Variants in MIR2052HG observed in about 807,000 individuals in gnomAD.
The protein encoded by MIR2052HG is MIR2052 host gene.
intron 2 of MIR2052HG, among the ~76,000 whole-genome samples, chr8:74,645,074 G>C (rs1204458199): frequency 6.6e-6 from 1 of 152,002 alleles, no homozygotes; most frequent in Non-Finnish European, 1.5e-5. Flanking sequence ...GTAGCATCTA[G>C]ACTTGCATTT....
intron 1 of MIR2052HG, among the ~76,000 whole-genome samples, chr8:74,607,482 G>T (rs1279503003): frequency 6.6e-6 from 1 of 151,982 alleles, no homozygotes; most frequent in African/African-American, 2.4e-5. Context: ...CGTGGTGGTG[G>T]GTGCCTGTAA....
chr8:74,627,905 T>A (rs1330471233), intron 2 of MIR2052HG, among the ~76,000 whole-genome samples: 1 of 152,208 alleles, frequency 6.6e-6, no homozygotes, highest in Non-Finnish European at 1.5e-5. Flanking sequence ...AAAGGGCCTT[T>A]AAGTTGAAAT....
exon 2 of MIR2052HG, chr8:74,612,883 A>T (rs769575280): frequency 2.2e-6 from 1 of 456,140 alleles, no homozygotes; most frequent in Non-Finnish European, 4.4e-6. Context: ...CCAGAGACAA[A>T]GGTGGCAGCT....
At chr8:74,686,896 CTG>C (rs1048643006) in intron 2 of MIR2052HG, among the ~76,000 whole-genome samples, 4 of 152,064 alleles carry the variant, frequency 2.6e-5, no homozygotes, top group Non-Finnish European at 4.4e-5. Context: ...TTTTGATAAT[CTG>C]TTTGTTCTCA....
At chr8:74,663,162 T>C (rs780425529) in intron 2 of MIR2052HG, among the ~76,000 whole-genome samples, 4 of 152,174 alleles carry the variant, frequency 2.6e-5, no homozygotes, top group Admixed American at 6.5e-5. Context: ...ACCAATATGA[T>C]GAATACATTC....
At chr8:74,689,044 G>A (rs974306142) in intron 2 of MIR2052HG, among the ~76,000 whole-genome samples, 1 of 152,146 alleles carries the variant, frequency 6.6e-6, no homozygotes, top group African/African-American at 2.4e-5. Context: ...TTTGTAGTAA[G>A]TGAGAGTTTT....
chr8:74,618,714 T>G (rs1808319020), intron 2 of MIR2052HG, among the ~76,000 whole-genome samples: 2 of 152,202 alleles, frequency 1.3e-5, no homozygotes, highest in Non-Finnish European at 2.9e-5. Flanking sequence ...GTTTAAAGAT[T>G]TTCCTGTGAG....
intron 4 of MIR2052HG, among the ~76,000 whole-genome samples, chr8:74,746,239 G>T (rs1809884152): frequency 6.6e-6 from 1 of 152,150 alleles, no homozygotes; most frequent in African/African-American, 2.4e-5. Flanking sequence ...TTAGCTTCTG[G>T]TAGAAATTGT....
chr8:74,733,530 T>C (rs1389833620), intron 4 of MIR2052HG, among the ~76,000 whole-genome samples: 7 of 148,138 alleles, frequency 4.7e-5, no homozygotes, highest in Admixed American at 1.4e-4. Context: ...TGAATAGTGC[T>C]GCAATAAACA....
intron 5 of MIR2052HG, among the ~76,000 whole-genome samples, chr8:74,755,901 T>A (rs1451997641): frequency 6.6e-6 from 1 of 152,158 alleles, no homozygotes; most frequent in Non-Finnish European, 1.5e-5. Context: ...TTTCAAGCCC[T>A]ACTGGATGTA....
chr8:74,626,134 G>C (rs1359821380), intron 2 of MIR2052HG, among the ~76,000 whole-genome samples: 1 of 152,152 alleles, frequency 6.6e-6, no homozygotes, highest in Non-Finnish European at 1.5e-5. Flanking sequence ...GGTGCCCCGG[G>C]AGAACAGCAC....
intron 4 of MIR2052HG, among the ~76,000 whole-genome samples, chr8:74,707,145 C>T (rs902243156): frequency 6.6e-6 from 1 of 152,002 alleles, no homozygotes; most frequent in Non-Finnish European, 1.5e-5. Context: ...AAATTCCCTC[C>T]CATGTAGATA....
At chr8:74,656,342 A>C (rs1038756925) in intron 2 of MIR2052HG, among the ~76,000 whole-genome samples, 1 of 152,014 alleles carries the variant, frequency 6.6e-6, no homozygotes, top group African/African-American at 2.4e-5. Context: ...CTGTGTCCCC[A>C]CCCAAATCTC....
intron 1 of MIR2052HG, among the ~76,000 whole-genome samples, chr8:74,602,375 C>G (rs1318476288): frequency 6.6e-6 from 1 of 152,170 alleles, no homozygotes; most frequent in Non-Finnish European, 1.5e-5. Flanking sequence ...ACCATCAGTT[C>G]CAGAGATTGC....
At chr8:74,644,868 G>T (rs1343695460) in intron 2 of MIR2052HG, among the ~76,000 whole-genome samples, 1 of 151,878 alleles carries the variant, frequency 6.6e-6, no homozygotes, top group Non-Finnish European at 1.5e-5. Flanking sequence ...TCTAGCCTGG[G>T]CAAGAGAACA....
chr8:74,644,827 G>A (rs1041748139), intron 2 of MIR2052HG, among the ~76,000 whole-genome samples: 1 of 151,970 alleles, frequency 6.6e-6, no homozygotes, highest in Non-Finnish European at 1.5e-5. Flanking sequence ...GGAGGTTGAG[G>A]CTGCAGTGAG....
chr8:74,604,375 G>C (rs1339292964), intron 1 of MIR2052HG: 1 of 472,022 alleles, frequency 2.1e-6, no homozygotes, highest in Non-Finnish European at 3.9e-6. Context: ...GGGGAAGGGC[G>C]GGAGGCCGGG....
At chr8:74,650,999 T>C (rs1184409717) in intron 2 of MIR2052HG, among the ~76,000 whole-genome samples, 2 of 152,210 alleles carry the variant, frequency 1.3e-5, no homozygotes, top group Non-Finnish European at 2.9e-5. Flanking sequence ...TTGCACTCTG[T>C]GTCATCTCTC....
chr8:74,634,141 G>A (rs1162929575), intron 2 of MIR2052HG, among the ~76,000 whole-genome samples: 1 of 152,080 alleles, frequency 6.6e-6, no homozygotes, highest in Non-Finnish European at 1.5e-5. Context: ...TTCAGATTTA[G>A]GCTTCCTGAA....
Sources: gnomAD v4.1 joint callset for allele counts (sites outside exome capture counted in the v4.1 genomes callset) on GRCh38, gnomAD v4.1.1 for gene constraint, MANE v1.5 for transcripts, NCBI Gene and HGNC (gene_info 2026-07-23, HGNC 2026-07-21) for gene names.